C8orf34: variants seen among roughly 807,000 people sequenced by gnomAD.
The protein encoded by C8orf34 is chromosome 8 open reading frame 34, also known as uncharacterized protein C8orf34.
C8orf34 carries 65 observed loss-of-function variants against 68.3 expected under a neutral mutation model. The ratio of observed to expected loss-of-function variants is 0.95; its 90% CI spans 0.78 to 1.17. The LOEUF is 1.17. Among genes scored for constraint, C8orf34 ranks in the 50% most tolerant of loss-of-function variants. The pLI, the probability that C8orf34 is intolerant of heterozygous loss-of-function variation, is 0.00. For missense variants in C8orf34, 664 were observed against 655.4 expected (o/e 1.01, Z -0.14); for synonymous variants, 244 against 241.2 (o/e 1.01, Z -0.11).
intron 12 of C8orf34, among the ~76,000 whole-genome samples, chr8:68,795,166 AC>A (rs1824141394): frequency 6.6e-6 from 1 of 152,038 alleles, no homozygotes; most frequent in African/African-American, 2.4e-5. Flanking sequence ...GTATCTCTTT[AC>A]TGCTGGTCTC....
chr8:68,799,924 T>C (rs1824281361), intron 12 of C8orf34, among the ~76,000 whole-genome samples: 1 of 152,114 alleles, frequency 6.6e-6, no homozygotes, highest in African/African-American at 2.4e-5. Context: ...AAGAAGGTCA[T>C]ATAGGCAAGA....
chr8:68,543,090 G>C (rs1586350344), intron 7 of C8orf34, among the ~76,000 whole-genome samples: 1 of 151,982 alleles, frequency 6.6e-6, no homozygotes, highest in African/African-American at 2.4e-5. Flanking sequence ...AATTGTTTCA[G>C]GATCTTAATA....
intron 6 of C8orf34, among the ~76,000 whole-genome samples, chr8:68,529,295 A>C (rs1815146613): frequency 6.6e-6 from 1 of 152,192 alleles, no homozygotes; most frequent in South Asian, 2.1e-4. Flanking sequence ...CAAGTTACCC[A>C]GTGTCAGTCA....
Position 68,752,153 on chromosome 8 carries a change from C to T in C8orf34, c.1405-24246C>T, listed in dbSNP as rs558564270. On this transcript the variant is annotated intron_variant, in intron 10 of 13. Transcript: ENST00000518698. ...CTAAGACTTCCTTTAAGAGAGGGAA[C>T]GTATCTCTGTTAAACTTGTAAGAGA... 6.6e-5 allele frequency among the ~76,000 whole-genome samples: 10 copies of T among 152,292 alleles called. No individual in the cohort carries two copies. In the South Asian group the frequency reaches 1.7e-3, roughly 25 times the overall value.
At chr8:68,439,452 G>A in intron 1 of C8orf34, 47 bp from the exon 2 acceptor site, 3 of 1,584,772 alleles carry the variant, frequency 1.9e-6, no homozygotes, top group Non-Finnish European at 2.6e-6. Context: ...TGCTATTACT[G>A]TTGCTGTTAT....
intron 8 of C8orf34, among the ~76,000 whole-genome samples, chr8:68,646,622 T>C (rs1819180898): frequency 1.3e-5 from 2 of 152,180 alleles, no homozygotes; most frequent in Non-Finnish European, 1.5e-5. Context: ...TCTTTCTTCA[T>C]TAGTCCCCCT....
chr8:68,547,040 A>T (rs1209515264), intron 7 of C8orf34, among the ~76,000 whole-genome samples: 52 of 151,784 alleles, frequency 3.4e-4, no homozygotes, highest in Admixed American at 3.3e-3. Context: ...CCAAATAAGT[A>T]GAAAAAATGA....
intron 1 of C8orf34, among the ~76,000 whole-genome samples, chr8:68,433,580 G>A (rs1006842376): frequency 6.6e-6 from 1 of 152,206 alleles, no homozygotes; most frequent in Non-Finnish European, 1.5e-5. Flanking sequence ...TTTAGGCAGA[G>A]TGCCATGCTG....
intron 7 of C8orf34, among the ~76,000 whole-genome samples, chr8:68,617,644 T>C (rs1015765399): frequency 3.3e-5 from 5 of 152,236 alleles, no homozygotes; most frequent in Admixed American, 2.0e-4. Context: ...GAGTTTCTGC[T>C]GAGAGATCCG....
At chr8:68,570,988 C>A (rs1415692804) in intron 7 of C8orf34, among the ~76,000 whole-genome samples, 2 of 152,114 alleles carry the variant, frequency 1.3e-5, no homozygotes, top group African/African-American at 2.4e-5. Context: ...ATGGAATAGG[C>A]ACTTTTGTTC....
chr8:68,614,714 A>G (rs1432031023), intron 7 of C8orf34, among the ~76,000 whole-genome samples: 1 of 152,190 alleles, frequency 6.6e-6, no homozygotes, highest in Non-Finnish European at 1.5e-5. Context: ...GTTTGAAGTC[A>G]GGAAGCCTGA....
chr8:68,362,085 G>T (rs1807026507), intron 1 of C8orf34, among the ~76,000 whole-genome samples: 1 of 152,164 alleles, frequency 6.6e-6, no homozygotes, highest in Non-Finnish European at 1.5e-5. Flanking sequence ...TGTAAAATGA[G>T]CTCTTGAATT....
At chr8:68,754,988 C>T (rs1392139251) in intron 10 of C8orf34, among the ~76,000 whole-genome samples, 1 of 152,034 alleles carries the variant, frequency 6.6e-6, no homozygotes, top group Non-Finnish European at 1.5e-5. Context: ...AATATTTAGC[C>T]TTGTAGGAAA....
At chr8:68,469,510 G>C (rs1018161414) in intron 4 of C8orf34, among the ~76,000 whole-genome samples, 17 of 152,010 alleles carry the variant, frequency 1.1e-4, no homozygotes, top group African/African-American at 4.1e-4. Context: ...ATTGTTGTAA[G>C]AGTAGGCAAT....
At chr8:68,570,305 G>T (rs949155274) in intron 7 of C8orf34, among the ~76,000 whole-genome samples, 1 of 152,290 alleles carries the variant, frequency 6.6e-6, no homozygotes, top group Non-Finnish European at 1.5e-5. Flanking sequence ...TCCTGAGAAA[G>T]CTTCCTCACT....
intron 1 of C8orf34, among the ~76,000 whole-genome samples, chr8:68,436,358 G>A (rs1810666902): frequency 6.6e-6 from 1 of 152,134 alleles, no homozygotes; most frequent in Admixed American, 6.6e-5. Context: ...GTTGGTGACA[G>A]CTGCTAATAT....
At chr8:68,519,956 A>G (rs1563502948) in intron 5 of C8orf34, among the ~76,000 whole-genome samples, 1 of 152,224 alleles carries the variant, frequency 6.6e-6, no homozygotes, top group Admixed American at 6.5e-5. Flanking sequence ...TTTAAAAAGT[A>G]AATACAGATT....
chr8:68,512,825 T>A (rs539324226), intron 5 of C8orf34, among the ~76,000 whole-genome samples: 1 of 151,938 alleles, frequency 6.6e-6, no homozygotes, highest in South Asian at 2.1e-4. Context: ...TTTACTGTTC[T>A]TACACACCTT....
At chr8:68,418,014 C>G (rs982697214) in intron 1 of C8orf34, among the ~76,000 whole-genome samples, 1 of 149,430 alleles carries the variant, frequency 6.7e-6, no homozygotes, top group African/African-American at 2.5e-5. Context: ...CTTCACATCC[C>G]TTGTAAGTTG....
Sources: gnomAD v4.1 joint callset for allele counts (sites outside exome capture counted in the v4.1 genomes callset) on GRCh38, gnomAD v4.1.1 for gene constraint, MANE v1.5 for transcripts, NCBI Gene and HGNC (gene_info 2026-07-23, HGNC 2026-07-21) for gene names.